The following TRPC4 variants were observed in gnomAD, a reference collection of about 807,000 sequenced individuals.
The protein encoded by TRPC4 is short transient receptor potential channel 4.
TRPC4 carries 49 observed loss-of-function variants against 99.4 expected under a neutral mutation model. The observed-to-expected ratio is 0.49, with a 90% CI of 0.39 to 0.63. The LOEUF (loss-of-function observed/expected upper bound fraction) is 0.63. TRPC4 is among the 20% of genes least tolerant of loss of function. TRPC4 has a pLI of 0.00. For missense variants in TRPC4, 898 were observed against 1,152.9 expected (o/e 0.78, Z 3.20); for synonymous variants, 454 against 425.9 (o/e 1.07, Z -0.81).
chr13:37,727,665 C>T (rs1955107533), intron 3 of TRPC4, among the ~76,000 whole-genome samples: 1 of 151,836 alleles, frequency 6.6e-6, no homozygotes, highest in African/African-American at 2.4e-5. Flanking sequence ...TTCAGTGAGA[C>T]TGACTAAAAT....
chr13:37,694,166 C>T (rs1169801761), intron 3 of TRPC4, among the ~76,000 whole-genome samples: 11 of 151,586 alleles, frequency 7.3e-5, no homozygotes. Flanking sequence ...TTTTAATTCC[C>T]CATGGAATAA....
chr13:37,660,063 G>A (rs1038873755), intron 6 of TRPC4, among the ~76,000 whole-genome samples: 3 of 152,178 alleles, frequency 2.0e-5, no homozygotes, highest in African/African-American at 7.2e-5. Context: ...TAGACATATA[G>A]AGCCAATTCC....
chr13:37,709,965 A>G (rs1021914280), intron 3 of TRPC4, among the ~76,000 whole-genome samples: 3 of 151,980 alleles, frequency 2.0e-5, no homozygotes, highest in Non-Finnish European at 4.4e-5. Flanking sequence ...GCTGCATATC[A>G]TGGAAGGAGA....
intron 1 of TRPC4, among the ~76,000 whole-genome samples, chr13:37,838,482 T>C (rs1244152157): frequency 1.3e-5 from 2 of 152,104 alleles, no homozygotes; most frequent in Non-Finnish European, 2.9e-5. Flanking sequence ...CACAGGATAT[T>C]TTTTTTTCAT....
intron 7 of TRPC4, among the ~76,000 whole-genome samples, chr13:37,652,035 T>G (rs1331840175): frequency 6.6e-6 from 1 of 152,238 alleles, no homozygotes; most frequent in Non-Finnish European, 1.5e-5. Flanking sequence ...AATCTTGACC[T>G]AACTTTGTAC....
At chr13:37,727,506 TTAA>T (rs1955102800) in intron 3 of TRPC4, among the ~76,000 whole-genome samples, 1 of 151,728 alleles carries the variant, frequency 6.6e-6, no homozygotes, top group Non-Finnish European at 1.5e-5. Context: ...TTTTTACAAC[TTAA>T]TAAATTGGAA....
intron 3 of TRPC4, among the ~76,000 whole-genome samples, chr13:37,744,067 C>T (rs2025404): frequency 0.63 from 96,406 of 151,984 alleles, 31,063 homozygotes; most frequent in African/African-American, 0.7. Context: ...GGGAACTTTA[C>T]TCCATTCAAC....
At chr13:37,664,654 A>G (rs1416828277) in intron 5 of TRPC4, among the ~76,000 whole-genome samples, 2 of 152,206 alleles carry the variant, frequency 1.3e-5, no homozygotes, top group Non-Finnish European at 1.5e-5. Flanking sequence ...ATTAGAACTG[A>G]ATAATAAATT....
intron 1 of TRPC4, among the ~76,000 whole-genome samples, chr13:37,831,865 G>C (rs1958429801): frequency 6.6e-6 from 1 of 152,098 alleles, no homozygotes; most frequent in Non-Finnish European, 1.5e-5. Context: ...GTAGAATGGT[G>C]GTTACCAGAG....
intron 3 of TRPC4, among the ~76,000 whole-genome samples, chr13:37,745,449 TATATATATATATATATATATATATACAC>T (rs1398766552): frequency 1.7e-3 from 4 of 2,374 alleles, no homozygotes; most frequent in Non-Finnish European, 7.2e-3. Context: ...TATATATATA[TATATATATATATATATATATATATACAC>T]ACACACACAC....
At chr13:37,661,109 C>T in intron 6 of TRPC4, among the ~76,000 whole-genome samples, 1 of 152,050 alleles carries the variant, frequency 6.6e-6, no homozygotes, top group Non-Finnish European at 1.5e-5. Flanking sequence ...ATGATATAGG[C>T]CTATAGTATT....
chr13:37,830,581 G>A (rs1019309488), intron 1 of TRPC4, among the ~76,000 whole-genome samples: 5 of 151,278 alleles, frequency 3.3e-5, no homozygotes, highest in Non-Finnish European at 7.4e-5. Flanking sequence ...GCATGGTGGT[G>A]CATGCCTGTA....
At chr13:37,761,744 T>C (rs1179712141) in intron 2 of TRPC4, among the ~76,000 whole-genome samples, 1 of 151,856 alleles carries the variant, frequency 6.6e-6, no homozygotes, top group Admixed American at 6.6e-5. Flanking sequence ...ACCAGAAAAC[T>C]GTCTTGTTCA....
At chr13:37,789,208 G>C (rs769574526) in intron 1 of TRPC4, among the ~76,000 whole-genome samples, 2 of 152,034 alleles carry the variant, frequency 1.3e-5, no homozygotes, top group African/African-American at 2.4e-5. Context: ...ACTGTCCCAG[G>C]CAAGTTTATT....
At chr13:37,860,250 C>T (rs1959226391) in intron 1 of TRPC4, among the ~76,000 whole-genome samples, 2 of 151,242 alleles carry the variant, frequency 1.3e-5, no homozygotes, top group African/African-American at 4.8e-5. Context: ...TTAGACAGGA[C>T]ATTTGAAAAT....
chr13:37,827,201 C>T (rs1027954578), intron 1 of TRPC4, among the ~76,000 whole-genome samples: 8 of 152,162 alleles, frequency 5.3e-5, no homozygotes, highest in Admixed American at 5.2e-4. Flanking sequence ...TTCTCAACTT[C>T]TTTGACTTTG....
intron 1 of TRPC4, among the ~76,000 whole-genome samples, chr13:37,786,530 A>AGGCACT (rs1313552946): frequency 6.6e-6 from 1 of 152,138 alleles, no homozygotes; most frequent in Non-Finnish European, 1.5e-5. Flanking sequence ...AGCAAGTAGC[A>AGGCACT]GGCACTGATA....
chr13:37,788,285 C>G (rs1957023002), intron 1 of TRPC4, among the ~76,000 whole-genome samples: 1 of 152,126 alleles, frequency 6.6e-6, no homozygotes, highest in South Asian at 2.1e-4. Context: ...CACAAATCTA[C>G]TTAATTCTCA....
intron 3 of TRPC4, among the ~76,000 whole-genome samples, chr13:37,741,315 T>C (rs563411883): frequency 6.6e-6 from 1 of 152,314 alleles, no homozygotes; most frequent in South Asian, 2.1e-4. Context: ...TGCCACAGAC[T>C]CTGCATCTGC....
Sources: allele counts gnomAD v4.1 joint callset (sites outside exome capture counted in the v4.1 genomes callset), GRCh38; gene constraint gnomAD v4.1.1; transcripts MANE v1.5; gene names NCBI Gene and HGNC (gene_info 2026-07-23, HGNC 2026-07-21).